The following CDH13 variants were observed in gnomAD, a reference collection of about 807,000 sequenced individuals.
The protein encoded by CDH13 is cadherin 13, also known as cadherin-13.
Under a neutral mutation model 63.8 loss-of-function variants are expected in CDH13, and 24 were observed. That is an observed-to-expected ratio of 0.38 (90% CI 0.27 to 0.53). The LOEUF (loss-of-function observed/expected upper bound fraction) is 0.53, where lower values mean the gene tolerates loss of function less well. CDH13 is among the 20% of genes least tolerant of loss of function. CDH13 has a pLI of 0.85. For missense variants in CDH13, 1,049 were observed against 903.1 expected (o/e 1.16, Z -2.07); for synonymous variants, 503 against 355.3 (o/e 1.42, Z -4.67).
intron 6 of CDH13, among the ~76,000 whole-genome samples, chr16:83,366,675 A>T (rs935756885): frequency 6.6e-6 from 1 of 152,092 alleles, no homozygotes; most frequent in Non-Finnish European, 1.5e-5. Flanking sequence ...CCTAGAACAC[A>T]TGTGTTGGAA....
At chr16:83,122,481 T>C (rs2035625488) in intron 3 of CDH13, among the ~76,000 whole-genome samples, 1 of 152,222 alleles carries the variant, frequency 6.6e-6, no homozygotes, top group Admixed American at 6.5e-5. Flanking sequence ...TAACTGAACT[T>C]GTGACATGCT....
intron 11 of CDH13, among the ~76,000 whole-genome samples, chr16:83,769,105 GT>G (rs1914595543): frequency 6.6e-6 from 1 of 152,218 alleles, no homozygotes. Flanking sequence ...GGGCTTTGGA[GT>G]GGGCAGAAGT....
intron 6 of CDH13, among the ~76,000 whole-genome samples, chr16:83,369,755 C>T (rs1430721578): frequency 6.6e-6 from 1 of 152,130 alleles, no homozygotes; most frequent in East Asian, 1.9e-4. Context: ...TCCTCTCCAT[C>T]TGTAGACCCC....
chr16:83,102,948 C>CTTTTTTTTTTTTTT (rs71148813), intron 3 of CDH13, among the ~76,000 whole-genome samples: 2 of 69,028 alleles, frequency 2.9e-5, no homozygotes, highest in African/African-American at 1.4e-4. Context: ...TTTTCTTTTT[C>CTTTTTTTTTTTTTT]TTTTTTTTTT....
chr16:83,728,017 A>G (rs1423167191), intron 10 of CDH13, among the ~76,000 whole-genome samples: 1 of 152,186 alleles, frequency 6.6e-6, no homozygotes. Flanking sequence ...GTGAGGCAAA[A>G]GCTTTTGAAA....
chr16:82,663,880 G>T (rs539995657), intron 1 of CDH13, among the ~76,000 whole-genome samples: 4 of 152,244 alleles, frequency 2.6e-5, no homozygotes, highest in Admixed American at 2.6e-4. Flanking sequence ...CTTTCTTCTT[G>T]CTCTTCAGAA....
intron 1 of CDH13, among the ~76,000 whole-genome samples, chr16:82,665,395 C>T (rs116084982): frequency 0.026 from 3,952 of 152,154 alleles, 185 homozygotes; most frequent in African/African-American, 0.091. Flanking sequence ...GCACGTAAAA[C>T]AAGGTTATAT....
intron 3 of CDH13, among the ~76,000 whole-genome samples, chr16:83,065,441 G>A (rs1393118475): frequency 9.2e-5 from 14 of 151,998 alleles, no homozygotes; most frequent in South Asian, 4.2e-4. Flanking sequence ...GTGGTGGCTC[G>A]TGCCTGTAAT....
chr16:83,414,302 C>T (rs2151461250), intron 6 of CDH13, among the ~76,000 whole-genome samples: 1 of 152,118 alleles, frequency 6.6e-6, no homozygotes, highest in East Asian at 1.9e-4. Flanking sequence ...TATAATTCAC[C>T]CATTTAAAAT....
chr16:82,705,013 A>C (rs1417997286), intron 1 of CDH13: 12 of 389,468 alleles, frequency 3.1e-5, no homozygotes, highest in South Asian at 2.0e-5. Context: ...ATGACCATGC[A>C]TTGCCACTGG....
intron 2 of CDH13, among the ~76,000 whole-genome samples, chr16:83,003,001 T>C (rs111716373): frequency 2.6e-5 from 4 of 152,306 alleles, no homozygotes; most frequent in African/African-American, 9.6e-5. Context: ...GTAACAAAAT[T>C]CCCACTTTAA....
At chr16:82,808,867 A>G (rs557736433) in intron 1 of CDH13, among the ~76,000 whole-genome samples, 15 of 152,202 alleles carry the variant, frequency 9.9e-5, no homozygotes, top group African/African-American at 3.6e-4. Flanking sequence ...CCTTTTTACT[A>G]TTGTTTTTCA....
At chr16:82,681,792 G>C (rs1008193457) in intron 1 of CDH13, among the ~76,000 whole-genome samples, 9 of 152,242 alleles carry the variant, frequency 5.9e-5, no homozygotes, top group African/African-American at 2.2e-4. Flanking sequence ...CCCAGGAGCA[G>C]CACTCGGGTG....
At chr16:83,347,124 T>C (rs1368215161) in intron 6 of CDH13, among the ~76,000 whole-genome samples, 8 of 152,158 alleles carry the variant, frequency 5.3e-5, no homozygotes, top group Admixed American at 2.6e-4. Context: ...GCAGGCAAGA[T>C]GGCCCCCGAA....
chr16:82,830,669 T>C (rs1057043345), intron 1 of CDH13, among the ~76,000 whole-genome samples: 1 of 152,260 alleles, frequency 6.6e-6, no homozygotes, highest in Non-Finnish European at 1.5e-5. Context: ...CATGCCATGA[T>C]GGCATGGACT....
chr16:83,467,144 A>C (rs2073336021), intron 6 of CDH13, among the ~76,000 whole-genome samples: 1 of 151,880 alleles, frequency 6.6e-6, no homozygotes, highest in African/African-American at 2.4e-5. Flanking sequence ...CCAGAAAAAC[A>C]CTCTTACCAA....
At chr16:83,256,674 C>CAA (rs59651612) in intron 5 of CDH13, among the ~76,000 whole-genome samples, 24,310 of 114,802 alleles carry the variant, frequency 0.21, 2,737 homozygotes, top group Middle Eastern at 0.28. Flanking sequence ...TACTAAAATA[C>CAA]AAAAAAAAAA....
At chr16:83,002,182 A>G (rs1029125993) in intron 2 of CDH13, among the ~76,000 whole-genome samples, 2 of 152,164 alleles carry the variant, frequency 1.3e-5, no homozygotes, top group African/African-American at 2.4e-5. Context: ...GTCTTTGAAG[A>G]TGTAGTTAAG....
intron 5 of CDH13, among the ~76,000 whole-genome samples, chr16:83,251,469 C>T (rs1905522190): frequency 1.3e-5 from 2 of 152,236 alleles, no homozygotes; most frequent in African/African-American, 4.8e-5. Context: ...AGGCCAGAAT[C>T]ATTCCAGATG....
Sources: allele counts gnomAD v4.1 joint callset (sites outside exome capture counted in the v4.1 genomes callset), GRCh38; gene constraint gnomAD v4.1.1; transcripts MANE v1.5; gene names NCBI Gene and HGNC (gene_info 2026-07-23, HGNC 2026-07-21).